TENM2: variants seen among roughly 807,000 people sequenced by gnomAD.
The protein encoded by TENM2 is teneurin transmembrane protein 2.
Under a neutral mutation model 245.2 loss-of-function variants are expected in TENM2, and 52 were observed. The observed-to-expected ratio is 0.21, with a 90% CI of 0.17 to 0.27. The LOEUF (loss-of-function observed/expected upper bound fraction) is 0.27, where lower values mean the gene tolerates loss of function less well. Ranked by LOEUF, TENM2 falls within the 10% of genes least tolerant of loss-of-function variation. The pLI, the probability that TENM2 is intolerant of heterozygous loss-of-function variation, is 1.00. For synonymous variants in TENM2, 1,363 were observed against 1,438.9 expected (o/e 0.95, Z 1.19); for missense variants, 3,046 against 3,666.8 (o/e 0.83, Z 4.37).
At chr5:167,445,778 C>G (rs1333084585) in intron 2 of TENM2, among the ~76,000 whole-genome samples, 1 of 152,088 alleles carries the variant, frequency 6.6e-6, no homozygotes, top group East Asian at 1.9e-4. Flanking sequence ...CTGGGACATC[C>G]CTCACTCAAT....
chr5:167,775,180 C>T (rs778054155), intron 2 of TENM2, among the ~76,000 whole-genome samples: 29 of 152,228 alleles, frequency 1.9e-4, no homozygotes, highest in Non-Finnish European at 3.4e-4. Flanking sequence ...GTTGGCCAGG[C>T]TGGTCTGGAA....
At chr5:167,094,251 G>C in the TENM2 span, among the ~76,000 whole-genome samples, 1 of 151,952 alleles carries the variant, frequency 6.6e-6, no homozygotes, top group Admixed American at 6.6e-5. Flanking sequence ...AGTTTTGCAC[G>C]TGTATACTCT....
In TENM2 at chr5:168,140,613, G is replaced by A. The variant is rs578178100; in HGVS notation, c.2422+13647G>A. The stretch of plus-strand genomic sequence containing the variant: ...CCGGTACATCTGCATCCATTACAAC[G>A]TGTCTCTGCATTGGTCATTGGTCTA... On this transcript the variant is annotated intron_variant, in intron 12 of 28. Coordinates refer to ENST00000518659, the Ensembl canonical transcript of TENM2. 1.2e-4 allele frequency among the ~76,000 whole-genome samples: 19 copies of A among 152,250 alleles called. No homozygotes were observed. In the South Asian group the frequency reaches 1.7e-3, roughly 13 times the overall value.
intron 3 of TENM2, among the ~76,000 whole-genome samples, chr5:167,916,245 A>G (rs559431817): frequency 3.2e-4 from 48 of 152,244 alleles, no homozygotes; most frequent in African/African-American, 1.0e-3. Context: ...GAAGCAAAAT[A>G]TTCTTTCTAT....
chr5:167,759,147 G>C (rs1762497781), intron 2 of TENM2, among the ~76,000 whole-genome samples: 1 of 145,566 alleles, frequency 6.9e-6, no homozygotes, highest in Non-Finnish European at 1.5e-5. Context: ...TCCCAGTTCT[G>C]ACACATACTA....
At chr5:167,142,941 C>T in the TENM2 span, among the ~76,000 whole-genome samples, 21 of 152,152 alleles carry the variant, frequency 1.4e-4, no homozygotes, top group Admixed American at 3.9e-4. Context: ...GAAGCATCTG[C>T]GGGAACATTG....
intron 27 of TENM2, among the ~76,000 whole-genome samples, chr5:168,254,435 A>G (rs891998083): frequency 5.3e-5 from 8 of 150,872 alleles, no homozygotes; most frequent in Non-Finnish European, 1.2e-4. Flanking sequence ...GAAAGAGGGA[A>G]AGGGGAGGGA....
the TENM2 span, among the ~76,000 whole-genome samples, chr5:167,132,091 G>T: frequency 1.3e-5 from 2 of 152,166 alleles, no homozygotes; most frequent in Admixed American, 6.5e-5. Context: ...AAAGTGCTGG[G>T]ATTACAGGTG....
chr5:168,044,641 G>A (rs1788463317), intron 5 of TENM2, among the ~76,000 whole-genome samples: 2 of 151,742 alleles, frequency 1.3e-5, no homozygotes, highest in South Asian at 4.2e-4. Context: ...GATCTTTTGG[G>A]GGTTGCAGAT....
At chr5:168,131,043 A>G (rs749311175) in intron 12 of TENM2, among the ~76,000 whole-genome samples, 6 of 152,216 alleles carry the variant, frequency 3.9e-5, no homozygotes, top group Non-Finnish European at 8.8e-5. Context: ...GGTAAAGTAG[A>G]TGTTAGCGTG....
At chr5:167,024,855 T>C in the TENM2 span, among the ~76,000 whole-genome samples, 1 of 152,206 alleles carries the variant, frequency 6.6e-6, no homozygotes, top group African/African-American at 2.4e-5. Flanking sequence ...AGCCTTCTGT[T>C]ATTTCCTGTT....
intron 13 of TENM2, chr5:168,187,020 T>A (rs1760512700): frequency 6.6e-6 from 1 of 152,174 alleles, no homozygotes; most frequent in Non-Finnish European, 1.5e-5. Flanking sequence ...CGCAGCATGA[T>A]GAGGTCATTA....
In TENM2 at chr5:167,465,851, A is replaced by G. The variant is rs552456352; in HGVS notation, c.502+90378A>G. Among the ~76,000 whole-genome samples, 447 of 152,118 alleles carry G rather than the reference A, an allele frequency of 2.9e-3. 2 individuals are homozygous for G. The highest frequency in any genetic ancestry group is 0.01 in the African/African-American group (429 of 41,504). On this transcript the variant is annotated intron_variant, in intron 2 of 28. Coordinates refer to ENST00000518659, the Ensembl canonical transcript of TENM2. Reference sequence around the variant, plus strand: ...CTCAAAAAAAGAAAGAAAGAAAGAAAGAAACATGCCCAAGGTCACAAAACT... The same window carrying G: ...CTCAAAAAAAGAAAGAAAGAAAGAAGGAAACATGCCCAAGGTCACAAAACT...
intron 7 of TENM2, among the ~76,000 whole-genome samples, chr5:168,070,514 G>A (rs1048339869): frequency 1.3e-5 from 2 of 151,462 alleles, no homozygotes; most frequent in Non-Finnish European, 1.5e-5. Context: ...AGCTGTGGTG[G>A]CACATGCCTA....
rs115357548 is a variant in TENM2, at chr5:167,846,444, A to T, written c.503-29542A>T. 6.3e-3 allele frequency among the ~76,000 whole-genome samples: 954 copies of T among 152,328 alleles called. 8 individuals carry two copies. The highest frequency in any genetic ancestry group is 0.022 in the African/African-American group (914 of 41,572). On this transcript the variant is annotated intron_variant, in intron 2 of 28. Transcript: ENST00000518659. ...GGAATTATCCTGAATCAGAAAAGAG[A>T]AGGCAAGAGAAGCTCTGGCCATCAG...
the TENM2 span, among the ~76,000 whole-genome samples, chr5:166,979,963 C>T: frequency 6.6e-6 from 1 of 152,154 alleles, no homozygotes; most frequent in Non-Finnish European, 1.5e-5. Flanking sequence ...GTTTTGACAG[C>T]ATGAGAGATG....
At chr5:167,670,624 G>A (rs988152301) in intron 2 of TENM2, among the ~76,000 whole-genome samples, 13 of 152,126 alleles carry the variant, frequency 8.5e-5, no homozygotes, top group African/African-American at 2.7e-4. Context: ...TGGCACAGAC[G>A]ATACTGAGAG....
intron 5 of TENM2, among the ~76,000 whole-genome samples, chr5:168,045,118 G>A (rs1193420253): frequency 2.0e-5 from 3 of 152,128 alleles, no homozygotes; most frequent in Non-Finnish European, 2.9e-5. Context: ...CTCATGTTCA[G>A]CAGATTTGGC....
intron 8 of TENM2, 46 bp from the exon 11 acceptor site, chr5:168,097,980 C>A: frequency 7.0e-7 from 1 of 1,432,754 alleles, no homozygotes; most frequent in East Asian, 2.3e-5. Context: ...ATTACTGCAC[C>A]AGTAGACAGA....
Sources: allele counts gnomAD v4.1 joint callset (sites outside exome capture counted in the v4.1 genomes callset), GRCh38; gene constraint gnomAD v4.1.1; transcripts MANE v1.5; gene names NCBI Gene and HGNC (gene_info 2026-07-23, HGNC 2026-07-21).